The following RTKN2 variants were observed in gnomAD, a reference collection of about 807,000 sequenced individuals.
The protein encoded by RTKN2 is rhotekin 2.
RTKN2 carries 69 observed loss-of-function variants against 71.5 expected under a neutral mutation model. The ratio of observed to expected loss-of-function variants is 0.96; its 90% CI spans 0.79 to 1.18. RTKN2 has a LOEUF of 1.18. Among genes scored for constraint, RTKN2 ranks in the 50% most tolerant of loss-of-function variants. RTKN2 has a pLI of 0.00. For synonymous variants in RTKN2, 236 were observed against 236.5 expected, an observed-to-expected ratio of 1.00 and a Z score of 0.02; for missense variants, 724 against 719.7, an observed-to-expected ratio of 1.01 and a Z score of -0.07.
intron 9 of RTKN2, chr10:62,215,222 A>G: frequency 1.9e-6 from 1 of 528,814 alleles, no homozygotes; most frequent in South Asian, 3.1e-5. Context: ...CAAAGTAGAC[A>G]TAATCATATA....
At position 62,268,692 on chromosome 10, in the gene RTKN2, G is replaced by T. The variant is rs963815218; in HGVS notation, c.-82C>A. The T allele has an allele frequency of 2.1e-6, 3 of 1,400,638 alleles. No homozygotes were observed. In the African/African-American group the frequency reaches 4.3e-5, roughly 20 times the overall value. 86.8% of individuals were successfully genotyped at this position (1,400,638 alleles called of 1,614,324 possible). ...CCCGCCCCTGGCAGGAGCCGCAGAGGACGCCAACCGCCCGGCCGTACCAAG... is the reference window on the plus strand; with the variant it reads ...CCCGCCCCTGGCAGGAGCCGCAGAGTACGCCAACCGCCCGGCCGTACCAAG... On this transcript the variant is annotated 5_prime_UTR_variant, in exon 1 of 12. Transcript: ENST00000373789.
chr10:62,191,468 T>C (rs1043858682), downstream of RTKN2, among the ~76,000 whole-genome samples: 3 of 152,214 alleles, frequency 2.0e-5, no homozygotes, highest in Non-Finnish European at 4.4e-5. Flanking sequence ...TCACAGATCT[T>C]TCACAGCACT....
At chr10:62,245,970 G>A in intron 3 of RTKN2, 29 bp downstream of exon 3, 1 of 1,367,352 alleles carries the variant, frequency 7.3e-7, no homozygotes, top group Non-Finnish European at 1.0e-6. Context: ...AATTTATTCA[G>A]CAATATAAAA....
Position 62,239,631 on chromosome 10 carries a change from GATTA to G in RTKN2, c.488+13_488+16del. 1 of 1,086,232 alleles carries G rather than the reference GATTA, an allele frequency of 9.2e-7. No individual in the cohort carries two copies. The highest frequency in any genetic ancestry group is 1.3e-6 in the Non-Finnish European group (1 of 754,564). 67.3% of individuals were successfully genotyped at this position (1,086,232 alleles called of 1,614,324 possible). Reference sequence around the variant, plus strand: ...TTTTAAATTATTTTTATTCTCTGAAGATTAAAAAATACTTACAATATGGTTACAT... The same window carrying G: ...TTTTAAATTATTTTTATTCTCTGAAGAAAAATACTTACAATATGGTTACAT... On this transcript the variant is annotated intron_variant, in intron 5 of 11. Coordinates refer to ENST00000373789, the MANE Select transcript of RTKN2 (RefSeq NM_145307.4).
chr10:62,223,134 C>T (rs1156698719), intron 7 of RTKN2, 104 bp downstream of exon 7: 2 of 611,600 alleles, frequency 3.3e-6, no homozygotes, highest in African/African-American at 1.9e-5. Flanking sequence ...AACAGAATCA[C>T]TCATGTCTCC....
rs1211725647 is a variant in RTKN2, at chr10:62,198,013, G to A, written c.1725C>T (p.His575=). ...ARRNRLSDGE[H]TDTKTNFEAK... ...CTTCAAAATTGGTTTTAGTGTCTGT[G>A]TGCTCACCATCACTTAATCTATTTC... Residue 575 remains histidine, a synonymous_variant, in exon 12 of 12, where the codon CAC becomes CAT. Transcript: ENST00000373789. 2 of 1,613,978 alleles carry A rather than the reference G, an allele frequency of 1.2e-6. No individual in the cohort carries two copies. The highest frequency in any genetic ancestry group is 1.7e-6 in the Non-Finnish European group (2 of 1,179,912).
intron 7 of RTKN2, among the ~76,000 whole-genome samples, chr10:62,221,943 G>C (rs951553963): frequency 6.6e-6 from 1 of 152,034 alleles, no homozygotes; most frequent in Non-Finnish European, 1.5e-5. Context: ...AGATCAAATA[G>C]GTAGATATCT....
At chr10:62,233,192 AC>A (rs752710021) in intron 6 of RTKN2, among the ~76,000 whole-genome samples, 94 of 152,190 alleles carry the variant, frequency 6.2e-4, no homozygotes, top group Non-Finnish European at 9.1e-4. Flanking sequence ...AAAAGACACT[AC>A]TGGTCCTGTC....
intron 1 of RTKN2, among the ~76,000 whole-genome samples, chr10:62,263,734 C>A (rs553275041): frequency 6.6e-6 from 1 of 152,142 alleles, no homozygotes; most frequent in African/African-American, 2.4e-5. Context: ...GCGCTGTACA[C>A]TGAAAATGTC....
chr10:62,185,594 G>A (rs1186390740), intron 8 of RTKN2, among the ~76,000 whole-genome samples: 1 of 152,080 alleles, frequency 6.6e-6, no homozygotes, highest in Non-Finnish European at 1.5e-5. Context: ...ACTCCAGCCT[G>A]GCAACAGAGC....
intron 9 of RTKN2, among the ~76,000 whole-genome samples, chr10:62,216,040 T>C (rs1238755012): frequency 6.6e-6 from 1 of 151,948 alleles, no homozygotes; most frequent in East Asian, 1.9e-4. Context: ...AAGGTCTCAC[T>C]AAAAGACTTT....
At chr10:62,263,711 C>G (rs577489247) in intron 1 of RTKN2, among the ~76,000 whole-genome samples, 1 of 152,244 alleles carries the variant, frequency 6.6e-6, no homozygotes, top group South Asian at 2.1e-4. Flanking sequence ...ATCTCAGAAG[C>G]AAGAGAGTGA....
At chr10:62,258,712 T>C (rs1261450261) in intron 2 of RTKN2, among the ~76,000 whole-genome samples, 1 of 152,176 alleles carries the variant, frequency 6.6e-6, no homozygotes, top group Non-Finnish European at 1.5e-5. Context: ...GAAACAATGT[T>C]TTTATATGAA....
intron 9 of RTKN2, among the ~76,000 whole-genome samples, chr10:62,209,285 A>T (rs1841611182): frequency 6.6e-6 from 1 of 152,032 alleles, no homozygotes; most frequent in South Asian, 2.1e-4. Flanking sequence ...AAAGAAGAAG[A>T]AAAGAAAAAT....
intron 6 of RTKN2, among the ~76,000 whole-genome samples, chr10:62,231,649 G>A (rs1050827671): frequency 1.3e-5 from 2 of 151,382 alleles, no homozygotes; most frequent in African/African-American, 2.4e-5. Context: ...ATCAAATAGG[G>A]CAATTGTTAC....
chr10:62,202,308 GT>G (rs760733726), intron 10 of RTKN2, among the ~76,000 whole-genome samples: 16 of 151,960 alleles, frequency 1.1e-4, no homozygotes, highest in Non-Finnish European at 2.4e-4. Context: ...CACCTTCCTG[GT>G]TTTCTATTCT....
rs1181782579 is a variant in RTKN2, at chr10:62,268,840, G to T, written c.-230C>A. 5.6e-6 allele frequency: 3 copies of T among 534,654 alleles called. No homozygotes were observed. Among genetic ancestry groups the T allele is most frequent in the Admixed American group, 3.9e-5 (1 of 25,580 alleles). The allele number at this position is 534,654 out of a possible 1,614,324, so 33.1% of individuals were successfully genotyped here. On this transcript the variant is annotated 5_prime_UTR_variant, in exon 1 of 12. Coordinates refer to ENST00000373789, the MANE Select transcript of RTKN2 (RefSeq NM_145307.4). ...CCGAGACCCCAGGCTCTAGCGCGGC[G>T]GGGCGGGGGAGAGGGCGGCGGTGCC...
chr10:62,266,048 T>C (rs1219154421), intron 1 of RTKN2, among the ~76,000 whole-genome samples: 5 of 152,214 alleles, frequency 3.3e-5, no homozygotes, highest in African/African-American at 4.8e-5. Flanking sequence ...AAGGCCATCA[T>C]ACTCTTATTT....
At chr10:62,216,013 G>C (rs955390449) in intron 9 of RTKN2, among the ~76,000 whole-genome samples, 3 of 151,788 alleles carry the variant, frequency 2.0e-5, no homozygotes, top group African/African-American at 4.8e-5. Context: ...GTTAAATTAG[G>C]TGAATTTATA....
Sources: allele counts gnomAD v4.1 joint callset (sites outside exome capture counted in the v4.1 genomes callset), GRCh38; gene constraint gnomAD v4.1.1; transcripts MANE v1.5; gene names NCBI Gene and HGNC (gene_info 2026-07-23, HGNC 2026-07-21).